The following SMIM36 variants were observed in gnomAD, a reference collection of about 807,000 sequenced individuals.
SMIM36 encodes the protein small integral membrane protein 36.
intron 1 of SMIM36, among the ~76,000 whole-genome samples, chr17:55,503,184 G>C (rs1910023501): frequency 9.7e-6 from 1 of 103,172 alleles, no homozygotes; most frequent in Non-Finnish European, 1.9e-5. Flanking sequence ...CCCCAATCTA[G>C]CAAGGCAGGC....
At chr17:55,516,874 T>C in the SMIM36 span, among the ~76,000 whole-genome samples, 38 of 152,156 alleles carry the variant, frequency 2.5e-4, no homozygotes, top group African/African-American at 9.2e-4. Flanking sequence ...TTCCTATTCT[T>C]GAGGAAGATT....
chr17:55,494,274 A>T (rs1909768241), intron 1 of SMIM36, among the ~76,000 whole-genome samples: 1 of 152,300 alleles, frequency 6.6e-6, no homozygotes, highest in Admixed American at 6.5e-5. Context: ...AAAAGAACAC[A>T]GGGGAAAGGA....
intron 1 of SMIM36, among the ~76,000 whole-genome samples, chr17:55,484,476 G>A (rs748970260): frequency 5.5e-4 from 84 of 152,330 alleles, no homozygotes; most frequent in Admixed American, 2.0e-3. Flanking sequence ...GCTTGATCAT[G>A]CTTATATTCC....
At chr17:55,472,612 C>T (rs903593928) in intron 3 of SMIM36, among the ~76,000 whole-genome samples, 1 of 152,216 alleles carries the variant, frequency 6.6e-6, no homozygotes, top group Non-Finnish European at 1.5e-5. Flanking sequence ...GTGGCTCACG[C>T]CTGTCATCCC....
At chr17:55,514,849 T>C (rs550975653), upstream of SMIM36, among the ~76,000 whole-genome samples, 38 of 152,198 alleles carry the variant, frequency 2.5e-4, 1 homozygote, top group Non-Finnish European at 5.3e-4. Flanking sequence ...TTATCTCTGG[T>C]ATTTCAGAGT....
At chr17:55,460,606 C>T (rs1313470029) in intron 4 of SMIM36, among the ~76,000 whole-genome samples, 1 of 152,012 alleles carries the variant, frequency 6.6e-6, no homozygotes, top group Non-Finnish European at 1.5e-5. Context: ...GCCTGTAATC[C>T]CAGCACTTTG....
chr17:55,528,814 G>C, the SMIM36 span, among the ~76,000 whole-genome samples: 1 of 152,080 alleles, frequency 6.6e-6, no homozygotes, highest in Non-Finnish European at 1.5e-5. Flanking sequence ...GCCTCCCAAA[G>C]GGCTGGAATT....
At chr17:55,465,661 C>T (rs921095451) in intron 4 of SMIM36, among the ~76,000 whole-genome samples, 1 of 152,054 alleles carries the variant, frequency 6.6e-6, no homozygotes, top group African/African-American at 2.4e-5. Context: ...GAATTAAGTT[C>T]TTTCATCAGG....
chr17:55,487,089 T>C (rs1909620462), intron 1 of SMIM36, among the ~76,000 whole-genome samples: 1 of 151,960 alleles, frequency 6.6e-6, no homozygotes, highest in Admixed American at 6.6e-5. Context: ...AATGGAAACG[T>C]GTCCCTATGG....
intron 4 of SMIM36, among the ~76,000 whole-genome samples, chr17:55,460,344 C>T (rs902569418): frequency 6.6e-6 from 1 of 151,712 alleles, no homozygotes; most frequent in South Asian, 2.1e-4. Context: ...AGGAGAATCG[C>T]TTGAATCTGG....
At chr17:55,484,439 G>A (rs1189915091) in intron 1 of SMIM36, among the ~76,000 whole-genome samples, 3 of 152,204 alleles carry the variant, frequency 2.0e-5, no homozygotes, top group Non-Finnish European at 4.4e-5. Context: ...ACCGTGAGAT[G>A]AAAGGTAGAC....
chr17:55,526,642 G>T, the SMIM36 span, among the ~76,000 whole-genome samples: 1 of 152,158 alleles, frequency 6.6e-6, no homozygotes, highest in Non-Finnish European at 1.5e-5. Flanking sequence ...TTCCCATCAG[G>T]ATCAGGAAAT....
At chr17:55,491,931 G>A (rs1044738849) in intron 1 of SMIM36, among the ~76,000 whole-genome samples, 1 of 152,034 alleles carries the variant, frequency 6.6e-6, no homozygotes, top group Non-Finnish European at 1.5e-5. Context: ...AGGCCGAGGT[G>A]GGGGAATCAC....
intron 4 of SMIM36, among the ~76,000 whole-genome samples, chr17:55,456,695 T>C (rs1425245633): frequency 6.6e-6 from 1 of 152,226 alleles, no homozygotes; most frequent in African/African-American, 2.4e-5. Context: ...TTGTTTGTGT[T>C]TCTCTTGAAT....
At chr17:55,492,242 CTTTTTTTT>C (rs770501215) in intron 1 of SMIM36, among the ~76,000 whole-genome samples, 1 of 111,286 alleles carries the variant, frequency 9.0e-6, no homozygotes, top group Non-Finnish European at 1.8e-5. Context: ...TTCTTTCTTT[CTTTTTTTT>C]TTTTTTTTTT....
At chr17:55,472,749 T>C (rs1002209926) in intron 3 of SMIM36, among the ~76,000 whole-genome samples, 1 of 151,580 alleles carries the variant, frequency 6.6e-6, no homozygotes, top group African/African-American at 2.4e-5. Flanking sequence ...CGGACAACTG[T>C]CCCAGCTACT....
chr17:55,465,393 T>G (rs1909218287), intron 4 of SMIM36, among the ~76,000 whole-genome samples: 1 of 152,208 alleles, frequency 6.6e-6, no homozygotes, highest in Non-Finnish European at 1.5e-5. Flanking sequence ...ATGATCATGA[T>G]GAGCAATTAT....
At chr17:55,500,070 C>T (rs1422968493) in intron 1 of SMIM36, among the ~76,000 whole-genome samples, 4 of 150,580 alleles carry the variant, frequency 2.7e-5, no homozygotes, top group Non-Finnish European at 4.4e-5. Flanking sequence ...GCCAAATATT[C>T]TTGGGAAGAA....
intron 3 of SMIM36, among the ~76,000 whole-genome samples, chr17:55,474,575 C>T (rs190080403): frequency 6.6e-6 from 1 of 152,274 alleles, no homozygotes; most frequent in Non-Finnish European, 1.5e-5. Flanking sequence ...ATGCCCGTAT[C>T]GGCACTTTGG....
Sources: gnomAD v4.1 joint callset for allele counts (sites outside exome capture counted in the v4.1 genomes callset) on GRCh38, gnomAD v4.1.1 for gene constraint, MANE v1.5 for transcripts, NCBI Gene and HGNC (gene_info 2026-07-23, HGNC 2026-07-21) for gene names.